The following DSTYK variants were observed in gnomAD, a reference collection of about 807,000 sequenced individuals.
DSTYK encodes RIP-homologous kinase.
A neutral mutation model predicts 98.7 loss-of-function variants in DSTYK; 34 were observed. The observed-to-expected ratio is 0.34, with a 90% confidence interval of 0.26 to 0.46. DSTYK has a LOEUF of 0.46. Ranked by LOEUF, DSTYK falls within the 20% of genes least tolerant of loss-of-function variation. DSTYK has a pLI of 1.00. For synonymous variants in DSTYK, 462 were observed against 457.3 expected (o/e 1.01, Z -0.13); for missense variants, 962 against 1,181.7 (o/e 0.81, Z 2.73).
chr1:205,160,063 T>C, intron 8 of DSTYK, 51 bp downstream of exon 8: 1 of 1,604,912 alleles, frequency 6.2e-7, no homozygotes, highest in Non-Finnish European at 8.5e-7. Context: ...ACCAGGGTTC[T>C]AGATTCTTCT....
Position 205,163,796 on chromosome 1 carries a change from A to G in DSTYK, c.1484T>C (p.Leu495Pro). 1 of 1,614,186 alleles carries G rather than the reference A, an allele frequency of 6.2e-7. No individual in the cohort carries two copies. The highest frequency in any genetic ancestry group is 8.5e-7 in the Non-Finnish European group (1 of 1,180,032). The change falls in exon 4 of 13, where the codon CTG becomes CCG. Residue 495 changes from leucine (L) to proline (P), a missense_variant. Around this residue, in one of 4 missense-constraint regions of DSTYK, gnomAD observed 660 missense variants for 855.0 expected, o/e 0.77. Coordinates refer to ENST00000367162, the MANE Select transcript of DSTYK (RefSeq NM_015375.3). ...DYLRESFVGT[L>P]ERCLQSLEKS... ...CTCCAGGCTCTGCAGACATCGTTCC[A>G]GGGTTCCGACGAAGCTTTCCCTCAG...
intron 1 of DSTYK, among the ~76,000 whole-genome samples, chr1:205,192,233 T>A (rs1272951092): frequency 6.6e-6 from 1 of 152,136 alleles, no homozygotes; most frequent in Non-Finnish European, 1.5e-5. Context: ...TTAACTCCAT[T>A]TAAAAATGAA....
rs551938208 is a variant in DSTYK at position 205,198,181 on chromosome 1, G to A, written c.266-10375C>T. On this transcript the variant is annotated intron_variant, in intron 1 of 12. Coordinates refer to ENST00000367162, the MANE Select transcript of DSTYK (RefSeq NM_015375.3). Reference sequence around the variant, plus strand: ...GTACTCCAGCCTGGGCAACAAGAGTGAAACTCCGTCTCAAAAAAAAAAGAA... The same window carrying A: ...GTACTCCAGCCTGGGCAACAAGAGTAAAACTCCGTCTCAAAAAAAAAAGAA... Among the ~76,000 whole-genome samples the A allele has an allele frequency of 1.2e-3, 178 of 151,856 alleles. 4 individuals are homozygous for A. The South Asian group carries it at 0.036, about 30-fold the overall frequency.
chr1:205,170,312 T>C (rs1024184765), intron 2 of DSTYK, among the ~76,000 whole-genome samples: 3 of 152,250 alleles, frequency 2.0e-5, no homozygotes, highest in Non-Finnish European at 4.4e-5. Flanking sequence ...TTTCAATGTA[T>C]ATGTTATGAC....
rs1444914129 is a variant in DSTYK at position 205,211,585 on chromosome 1, G to A, written c.-50C>T. The A allele has an allele frequency of 3.6e-6, 5 of 1,406,864 alleles. No homozygotes were observed. Among genetic ancestry groups the A allele is most frequent in the Non-Finnish European group, 4.6e-6 (5 of 1,088,524 alleles). The allele number at this position is 1,406,864 out of a possible 1,614,324, so 87.1% of individuals were successfully genotyped here. On this transcript the variant is annotated 5_prime_UTR_variant, in exon 1 of 13. Transcript: ENST00000367162. Reference sequence around the variant, plus strand: ...GGCTCGGTCCCCGGCCGCAGGCCCGGCCTCCCTCCTCCCCGCCCCCCAGTG... The same window carrying A: ...GGCTCGGTCCCCGGCCGCAGGCCCGACCTCCCTCCTCCCCGCCCCCCAGTG...
chr1:205,168,133 G>T (rs1049537845), intron 3 of DSTYK, among the ~76,000 whole-genome samples: 109 of 152,252 alleles, frequency 7.2e-4, no homozygotes, highest in Non-Finnish European at 1.0e-3. Flanking sequence ...ATCAGTACTT[G>T]GCAACTGATT....
chr1:205,200,484 T>C (rs1658996338), intron 1 of DSTYK, among the ~76,000 whole-genome samples: 1 of 152,166 alleles, frequency 6.6e-6, no homozygotes, highest in African/African-American at 2.4e-5. Context: ...TCAACTCCTA[T>C]CCTTATCAAT....
chr1:205,161,719 C>A (rs1363966601), intron 6 of DSTYK, among the ~76,000 whole-genome samples: 3 of 152,104 alleles, frequency 2.0e-5, no homozygotes, highest in Non-Finnish European at 2.9e-5. Context: ...TATAAACATA[C>A]AAAATTCCTA....
At chr1:205,167,978 C>T (rs541952623) in intron 3 of DSTYK, among the ~76,000 whole-genome samples, 148 of 152,224 alleles carry the variant, frequency 9.7e-4, no homozygotes, top group South Asian at 5.4e-3. Context: ...CGGTGGCACA[C>T]GCCTGTAATC....
chr1:205,177,223 A>G (rs904334687), intron 2 of DSTYK, among the ~76,000 whole-genome samples: 5 of 152,128 alleles, frequency 3.3e-5, no homozygotes, highest in African/African-American at 1.2e-4. Flanking sequence ...ATAAACAAAC[A>G]TACAAACAAA....
intron 1 of DSTYK, among the ~76,000 whole-genome samples, chr1:205,209,529 CTAAGATCATGACAGGG>C (rs1659304171): frequency 4.4e-5 from 2 of 45,768 alleles, no homozygotes; most frequent in Admixed American, 6.3e-4. Flanking sequence ...AAATAAGATA[CTAAGATCATGACAGGG>C]TCCTAAATGA....
intron 10 of DSTYK, among the ~76,000 whole-genome samples, chr1:205,152,686 G>A (rs190014287): frequency 5.6e-4 from 85 of 151,648 alleles, no homozygotes; most frequent in African/African-American, 1.9e-3. Flanking sequence ...ATTTTGGAAT[G>A]TATCTATTAT....
At chr1:205,184,300 T>C (rs562791132) in intron 2 of DSTYK, among the ~76,000 whole-genome samples, 2 of 151,834 alleles carry the variant, frequency 1.3e-5, no homozygotes, top group South Asian at 4.2e-4. Context: ...GGGCCAGGCA[T>C]AGTGGCTCAC....
chr1:205,172,301 G>GT (rs111451734), intron 2 of DSTYK, among the ~76,000 whole-genome samples: 677 of 140,592 alleles, frequency 4.8e-3, no homozygotes, highest in Admixed American at 7.2e-3. Flanking sequence ...TTTGTTTGTG[G>GT]TTTTTTTTTT....
intron 2 of DSTYK, among the ~76,000 whole-genome samples, chr1:205,176,424 C>T (rs942708911): frequency 6.2e-5 from 8 of 128,714 alleles, no homozygotes; most frequent in Non-Finnish European, 1.1e-4. Context: ...TGCGGTGAGC[C>T]GAGATCATGC....
At chr1:205,191,112 C>A (rs761491278) in intron 1 of DSTYK, among the ~76,000 whole-genome samples, 1 of 152,190 alleles carries the variant, frequency 6.6e-6, no homozygotes, top group Non-Finnish European at 1.5e-5. Flanking sequence ...AATAAACTTG[C>A]TACTGTCAAA....
rs771457000 is a variant in DSTYK at position 205,169,872 on chromosome 1, C to T, written c.655-40G>A. 6.5e-7 allele frequency: 1 copy of T among 1,548,648 alleles called. No individual in the cohort carries two copies. Among genetic ancestry groups the T allele is most frequent in the Non-Finnish European group, 8.7e-7 (1 of 1,151,094 alleles). On this transcript the variant is annotated intron_variant, in intron 2 of 12. Coordinates refer to ENST00000367162, the MANE Select transcript of DSTYK (RefSeq NM_015375.3). The surrounding 1 kb of genome is among the most constrained non-coding windows in gnomAD (Gnocchi z 4.0). ...GGGTCATATATCAGCGCCTCAGGGT[C>T]AGAACCAATCCCTGTCTCCCCAAAG... is the stretch of plus-strand genomic sequence containing the variant.
chr1:205,165,150 G>A (rs549909717), intron 3 of DSTYK, among the ~76,000 whole-genome samples: 59 of 152,262 alleles, frequency 3.9e-4, no homozygotes, highest in African/African-American at 1.3e-3. Context: ...CTGGAGTGCA[G>A]TGGCACGATC....
intron 11 of DSTYK, among the ~76,000 whole-genome samples, chr1:205,148,975 T>C (rs531925484): frequency 6.6e-6 from 1 of 151,136 alleles, no homozygotes; most frequent in East Asian, 2.0e-4. Flanking sequence ...TGATCTCGGC[T>C]CACCACAACT....
Sources: allele counts gnomAD v4.1 joint callset (sites outside exome capture counted in the v4.1 genomes callset), GRCh38; gene constraint gnomAD v4.1.1; regional missense constraint gnomAD v4.1.1; non-coding constraint Gnocchi (gnomAD v3.1); transcripts MANE v1.5; gene names NCBI Gene and HGNC (gene_info 2026-07-23, HGNC 2026-07-21).